The following CACNB2 variants were observed in gnomAD, a reference collection of about 807,000 sequenced individuals.
CACNB2 encodes the protein calcium voltage-gated channel auxiliary subunit beta 2.
In CACNB2, 42 loss-of-function variants were observed where a neutral mutation model predicts 73.3. The ratio of observed to expected loss-of-function variants is 0.57; its 90% confidence interval spans 0.45 to 0.74. The LOEUF is 0.74. CACNB2 is among the 30% of genes least tolerant of loss of function. CACNB2 has a pLI of 0.00. For missense variants in CACNB2, 940 were observed against 853.0 expected (o/e 1.10, Z -1.27); for synonymous variants, 348 against 310.3 (o/e 1.12, Z -1.28).
chr10:18,270,721 G>C (rs181784863), intron 2 of CACNB2, among the ~76,000 whole-genome samples: 1 of 152,096 alleles, frequency 6.6e-6, no homozygotes, highest in Admixed American at 6.5e-5. Flanking sequence ...GTCTCGGTTA[G>C]GTATCCTTGC....
chr10:18,150,883 TC>T lies in CACNB2; in HGVS notation c.122del (p.Ser41TyrfsTer120). 1.7e-6 allele frequency: 2 copies of T among 1,197,024 alleles called. No homozygotes were observed. The highest frequency in any genetic ancestry group is 2.0e-5 in the Admixed American group (1 of 50,912). The allele number at this position is 1,197,024 out of a possible 1,614,324, so 74.2% of individuals were successfully genotyped here. On this transcript the variant is annotated frameshift_variant and splice_region_variant, in exon 2 of 14. Transcript: ENST00000324631. LOFTEE classifies it high-confidence loss of function. ...TTTTTTTTTTTTTTTTTTTTTTTAGTCATATGGAAAAGGAGCCAGAAGGAAA... is the reference window on the plus strand; with the variant it reads ...TTTTTTTTTTTTTTTTTTTTTTTAGTATATGGAAAAGGAGCCAGAAGGAAA... ...PAGALGAAAQ[S>X]YGKGARRKNR...
chr10:18,377,689 G>C (rs1017223063), intron 2 of CACNB2, among the ~76,000 whole-genome samples: 1 of 152,180 alleles, frequency 6.6e-6, no homozygotes, highest in Admixed American at 6.5e-5. Flanking sequence ...ATGAGCTATA[G>C]TTGGCTGATC....
chr10:18,388,684 A>G (rs886860918), intron 2 of CACNB2, among the ~76,000 whole-genome samples: 11 of 152,230 alleles, frequency 7.2e-5, no homozygotes, highest in Admixed American at 6.5e-5. Context: ...TAGTACCAAC[A>G]AATTATTTAA....
chr10:18,233,434 A>G (rs1036412556), intron 2 of CACNB2, among the ~76,000 whole-genome samples: 5 of 150,760 alleles, frequency 3.3e-5, no homozygotes, highest in African/African-American at 1.2e-4. Flanking sequence ...GCTAGTCTCT[A>G]GTGGAAACAT....
chr10:18,220,226 T>TGGG (rs2035712196), intron 2 of CACNB2, among the ~76,000 whole-genome samples: 8 of 45,660 alleles, frequency 1.8e-4, no homozygotes, highest in East Asian at 8.7e-4. Flanking sequence ...TATATATATA[T>TGGG]ATATATAGAG....
intron 3 of CACNB2, among the ~76,000 whole-genome samples, chr10:18,496,814 C>CAAAAAAAAAAAAAAAAAAAAAAA (rs905870687): frequency 2.2e-5 from 1 of 45,190 alleles, no homozygotes. Context: ...AACTCCGCCT[C>CAAAAAAAAAAAAAAAAAAAAAAA]AAAAAAAAAA....
chr10:18,270,511 C>G (rs1047147469), intron 2 of CACNB2, among the ~76,000 whole-genome samples: 1 of 152,130 alleles, frequency 6.6e-6, no homozygotes, highest in African/African-American at 2.4e-5. Flanking sequence ...CCAGTTGGTT[C>G]CCATTTTCTG....
At chr10:18,268,968 T>C (rs781071409) in intron 2 of CACNB2, among the ~76,000 whole-genome samples, 1 of 152,138 alleles carries the variant, frequency 6.6e-6, no homozygotes, top group Non-Finnish European at 1.5e-5. Context: ...ATAGCAGCAC[T>C]GCTATGAGCT....
chr10:18,294,909 C>T (rs899899805), intron 2 of CACNB2, among the ~76,000 whole-genome samples: 3 of 152,162 alleles, frequency 2.0e-5, no homozygotes, highest in Admixed American at 6.5e-5. Flanking sequence ...GTAGGAACTT[C>T]GTAAGAAGGT....
At chr10:18,360,143 G>A (rs537006336) in intron 2 of CACNB2, among the ~76,000 whole-genome samples, 5 of 152,278 alleles carry the variant, frequency 3.3e-5, no homozygotes, top group African/African-American at 9.6e-5. Flanking sequence ...AAGTTTCTTT[G>A]ACATCAGTTA....
intron 3 of CACNB2, among the ~76,000 whole-genome samples, chr10:18,466,704 A>G (rs188501534): frequency 6.6e-6 from 1 of 152,312 alleles, no homozygotes; most frequent in East Asian, 1.9e-4. Flanking sequence ...GGGACTTCAC[A>G]ATCTTTCATC....
intron 3 of CACNB2, among the ~76,000 whole-genome samples, chr10:18,470,609 G>C (rs927181292): frequency 3.3e-5 from 5 of 151,766 alleles, no homozygotes; most frequent in Non-Finnish European, 7.4e-5. Context: ...CAGTTGCATT[G>C]CATGGAGCCT....
intron 3 of CACNB2, among the ~76,000 whole-genome samples, chr10:18,496,078 T>C (rs1206712676): frequency 6.7e-6 from 1 of 148,944 alleles, no homozygotes; most frequent in Non-Finnish European, 1.5e-5. Flanking sequence ...CCCAGCTACT[T>C]GGGAGGCTAG....
At chr10:18,398,017 G>A (rs1435578401) in intron 2 of CACNB2, among the ~76,000 whole-genome samples, 1 of 152,186 alleles carries the variant, frequency 6.6e-6, no homozygotes, top group African/African-American at 2.4e-5. Context: ...CACGTTGTAA[G>A]AGCCCTAGAG....
At chr10:18,398,801 A>G (rs2043843636) in intron 2 of CACNB2, among the ~76,000 whole-genome samples, 1 of 152,098 alleles carries the variant, frequency 6.6e-6, no homozygotes, top group Non-Finnish European at 1.5e-5. Context: ...GAACTACTCT[A>G]AAGATCAATT....
At chr10:18,448,170 C>G (rs1400187126) in intron 3 of CACNB2, among the ~76,000 whole-genome samples, 1 of 151,974 alleles carries the variant, frequency 6.6e-6, no homozygotes, top group Admixed American at 6.6e-5. Flanking sequence ...CTACTAAAAT[C>G]CCTGGAATGG....
intron 1 of CACNB2, among the ~76,000 whole-genome samples, chr10:18,147,518 T>A (rs934417998): frequency 6.6e-6 from 1 of 152,200 alleles, no homozygotes. Context: ...AGGGAGAATC[T>A]ATAGGTAACA....
chr10:18,467,103 A>G (rs942803671), intron 3 of CACNB2, among the ~76,000 whole-genome samples: 2 of 152,182 alleles, frequency 1.3e-5, no homozygotes, highest in East Asian at 3.8e-4. Context: ...GCAGTGAGCC[A>G]AGATCACAAC....
At chr10:18,406,979 T>A (rs569507727) in intron 3 of CACNB2, among the ~76,000 whole-genome samples, 3 of 152,200 alleles carry the variant, frequency 2.0e-5, no homozygotes, top group African/African-American at 7.2e-5. Flanking sequence ...AAAGGTTAGT[T>A]TCTTGAGAAA....
Sources: allele counts gnomAD v4.1 joint callset (sites outside exome capture counted in the v4.1 genomes callset), GRCh38; gene constraint gnomAD v4.1.1; transcripts MANE v1.5; gene names NCBI Gene and HGNC (gene_info 2026-07-23, HGNC 2026-07-21).